Variants in EPN1 observed in about 807,000 individuals in gnomAD.
EPN1 encodes epsin 1.
In EPN1, 25 loss-of-function variants were observed where a neutral mutation model predicts 56.9. That is an observed-to-expected ratio of 0.44 (90% confidence interval 0.32 to 0.61). The LOEUF is 0.61. Ranked by LOEUF, EPN1 falls within the 20% of genes least tolerant of loss-of-function variation. The pLI is 0.05. For missense variants in EPN1, 785 were observed against 823.7 expected (o/e 0.95, Z 0.58); for synonymous variants, 411 against 361.8 (o/e 1.14, Z -1.54).
Position 55,705,065 on chromosome 19 carries a change from A to C in EPN1, c.*9709A>C, listed in dbSNP as rs1011484800. Reference sequence around the variant, plus strand: ...GACTCGCAGTTCTGCCACACAGTGAATGTGCTACTCAAGCCACTCAGCCTG... The same window carrying C: ...GACTCGCAGTTCTGCCACACAGTGACTGTGCTACTCAAGCCACTCAGCCTG... On this transcript the variant is annotated 3_prime_UTR_variant, in exon 11 of 11. Transcript: ENST00000270460. The C allele has an allele frequency of 4.6e-5, 7 of 152,268 alleles. No individual in the cohort carries two copies. The highest frequency in any genetic ancestry group is 1.2e-4 in the African/African-American group (5 of 41,470). 9.4% of individuals were successfully genotyped at this position (152,268 alleles called of 1,614,324 possible). A position where few individuals can be genotyped will look rare whatever the true frequency, so the allele number is the denominator to read the frequency against.
At chr19:55,682,632 C>T (rs946271461) in intron 2 of EPN1, among the ~76,000 whole-genome samples, 6 of 151,894 alleles carry the variant, frequency 4.0e-5, no homozygotes, top group East Asian at 1.9e-4. Flanking sequence ...GGGGTTTTGC[C>T]ATGTCACCCA....
chr19:55,689,459 C>A lies in EPN1; in HGVS notation c.678+88C>A. On this transcript the variant is annotated intron_variant, in intron 5 of 10. Coordinates refer to ENST00000270460, the MANE Select transcript of EPN1 (RefSeq NM_001130072.2). This position sits in a 1 kb window ranked among gnomAD's most constrained non-coding sequence, Gnocchi z 5.7. The stretch of plus-strand genomic sequence containing the variant: ...CCTTCCTAAGTCACCCCCCACCATC[C>A]TGCTGGGCCCGAAGCCCACAGGCTC... 1 of 1,004,884 alleles carries A rather than the reference C, an allele frequency of 1.0e-6. No homozygotes were observed. The highest frequency in any genetic ancestry group is 1.5e-6 in the Non-Finnish European group (1 of 657,412). The allele number at this position is 1,004,884 out of a possible 1,614,324, so 62.2% of individuals were successfully genotyped here.
Position 55,688,979 on chromosome 19 carries a change from G to C in EPN1, c.588G>C (p.Lys196Asn). The change falls in exon 4 of 11, where the codon AAG (lysine) becomes AAC (asparagine). Residue 196 changes from lysine (K) to asparagine (N), a missense_variant. Lys to Asn is a moderately conservative substitution (Grantham distance 94). This residue lies in a region of EPN1 where 650 missense variants were observed against 605.0 expected (regional missense o/e 1.07). Coordinates refer to ENST00000270460, the MANE Select transcript of EPN1 (RefSeq NM_001130072.2). ...TCCAGCTGGCCCTGGCCATGAGCAA[G>C]GAGGAGGCCGACCAGGTACTGGGCG... is the stretch of plus-strand genomic sequence containing the variant. ...LQLQLALAMS[K>N]EEADQPPSCG... 1 of 1,599,702 alleles carries C rather than the reference G, an allele frequency of 6.3e-7. No individual in the cohort carries two copies. Among genetic ancestry groups the C allele is most frequent in the Non-Finnish European group, 8.5e-7 (1 of 1,176,660 alleles).
At chr19:55,677,300 C>T in intron 1 of EPN1, 1 of 854,078 alleles carries the variant, frequency 1.2e-6, no homozygotes, top group Non-Finnish European at 2.0e-6. Context: ...GGGGTTGTTT[C>T]AAGGATTAAC....
In EPN1 at chr19:55,693,014, T is replaced by C; in HGVS notation, c.1241T>C (p.Leu414Pro). 3 of 1,613,206 alleles carry C rather than the reference T, an allele frequency of 1.9e-6. No homozygotes were observed. The highest frequency in any genetic ancestry group is 2.5e-6 in the Non-Finnish European group (3 of 1,179,512). ...GACTTTGACCGACTCCGCACGGCAC[T>C]GCCGACCTCCGGGAGCAGCGCAGGT... The part of the protein sequence containing the change: ...FSDFDRLRTA[L>P]PTSGSSAGEL... Residue 414 changes from leucine to proline, a missense_variant, in exon 9 of 11, where the codon CTG becomes CCG. This residue lies in a region of EPN1 where 650 missense variants were observed against 605.0 expected (regional missense o/e 1.07). Transcript: ENST00000270460.
At chr19:55,688,725 G>A in intron 3 of EPN1, 145 bp from the exon 4 acceptor site, 1 of 1,238,898 alleles carries the variant, frequency 8.1e-7, no homozygotes, top group Non-Finnish European at 1.1e-6. Flanking sequence ...CCGCCTCTCA[G>A]TCCTAGTCTT....
At chr19:55,677,989 C>A (rs1221722134) in intron 1 of EPN1, among the ~76,000 whole-genome samples, 2 of 152,220 alleles carry the variant, frequency 1.3e-5, no homozygotes, top group Admixed American at 1.3e-4. Flanking sequence ...GCTACAGAAT[C>A]AGACGAGAAT....
rs1288735342 is a variant in EPN1 at position 55,705,464 on chromosome 19, A to G, written c.*10108A>G. 6.6e-6 allele frequency: 1 copy of G among 152,194 alleles called. No individual in the cohort carries two copies. Among genetic ancestry groups the G allele is most frequent in the African/African-American group, 2.4e-5 (1 of 41,452 alleles). 9.4% of individuals were successfully genotyped at this position (152,194 alleles called of 1,614,324 possible). A position where few individuals can be genotyped will look rare whatever the true frequency, so the allele number is the denominator to read the frequency against. ...GGAGTTCGAGACCAGCCTGGCCAAC[A>G]TGACAAAATCACCATCTCTACTAAA... On this transcript the variant is annotated 3_prime_UTR_variant, in exon 11 of 11. Coordinates refer to ENST00000270460, the MANE Select transcript of EPN1 (RefSeq NM_001130072.2).
intron 1 of EPN1, chr19:55,677,526 T>C: frequency 7.2e-7 from 1 of 1,383,180 alleles, no homozygotes; most frequent in Non-Finnish European, 1.0e-6. Context: ...GTGTGTGACC[T>C]TGGTTGAATT....
rs200210378 is a variant in EPN1, at chr19:55,691,803, C to T, written c.812C>T (p.Pro271Leu). The change falls in exon 7 of 11, where the codon CCG becomes CTG. Residue 271 changes from proline to leucine, a missense_variant. Transcript: ENST00000270460. This position sits in a 1 kb window ranked among gnomAD's most constrained non-coding sequence, Gnocchi z 5.6. ...GTCTTCACGGCCCCAGCTCCTGCCCCGACCACAGACCCCTGGGGGGGCCCA... is the reference window on the plus strand; with the variant it reads ...GTCTTCACGGCCCCAGCTCCTGCCCTGACCACAGACCCCTGGGGGGGCCCA... Reference protein sequence around the residue: ...ADVFTAPAPAPTTDPWGGPAP... With the variant: ...ADVFTAPAPALTTDPWGGPAP... 2,323 of 1,612,666 alleles carry T rather than the reference C, an allele frequency of 1.4e-3. 4 individuals are homozygous for T. Among genetic ancestry groups the T allele is most frequent in the Non-Finnish European group, 1.7e-3 (2,054 of 1,179,304 alleles).
In EPN1 at chr19:55,707,178, G is replaced by A. The variant is rs1987462943; in HGVS notation, c.*11822G>A. ...CCTGGGCGAGCAACAGAGTGAGGCTGTCTCTCAAAAAAAAAAAAAAAGGAA... is the reference window on the plus strand; with the variant it reads ...CCTGGGCGAGCAACAGAGTGAGGCTATCTCTCAAAAAAAAAAAAAAAGGAA... On this transcript the variant is annotated 3_prime_UTR_variant, in exon 11 of 11. Coordinates refer to ENST00000270460, the MANE Select transcript of EPN1 (RefSeq NM_001130072.2). The A allele has an allele frequency of 1.4e-5, 2 of 146,932 alleles. No homozygotes were observed. Among genetic ancestry groups the A allele is most frequent in the South Asian group, 2.2e-4 (1 of 4,580 alleles). The allele number at this position is 146,932 out of a possible 1,614,324, so 9.1% of individuals were successfully genotyped here. A position where few individuals can be genotyped will look rare whatever the true frequency, so the allele number is the denominator to read the frequency against.
At chr19:55,687,147 C>T (rs900813591) in intron 3 of EPN1, among the ~76,000 whole-genome samples, 2 of 152,294 alleles carry the variant, frequency 1.3e-5, no homozygotes, top group South Asian at 2.1e-4. Flanking sequence ...TCTGAATTTT[C>T]GCCCATCTTG....
At chr19:55,681,802 C>CTTT (rs199910309) in intron 2 of EPN1, among the ~76,000 whole-genome samples, 12 of 145,838 alleles carry the variant, frequency 8.2e-5, no homozygotes, top group African/African-American at 3.0e-4. Context: ...ATTTTGCAAA[C>CTTT]TTTTTTTTTT....
intron 3 of EPN1, among the ~76,000 whole-genome samples, chr19:55,687,089 G>A (rs937833905): frequency 1.1e-4 from 16 of 152,206 alleles, no homozygotes; most frequent in African/African-American, 2.7e-4. Context: ...TAGTTTTCAC[G>A]TGTCTTTTTT....
At position 55,703,854 on chromosome 19, in the gene EPN1, A is replaced by T. The variant is rs1987263961; in HGVS notation, c.*8498A>T. On this transcript the variant is annotated 3_prime_UTR_variant, in exon 11 of 11. Coordinates refer to ENST00000270460, the MANE Select transcript of EPN1 (RefSeq NM_001130072.2). ...TACCGCGTGGGCTGGGATTGGAGGA[A>T]GCTGGAAAGCGCTCCCCTGCGTTTC... The T allele has an allele frequency of 6.6e-6, 1 of 152,224 alleles. No homozygotes were observed. The highest frequency in any genetic ancestry group is 1.5e-5 in the Non-Finnish European group (1 of 68,048). The allele number at this position is 152,224 out of a possible 1,614,324, so 9.4% of individuals were successfully genotyped here.
In EPN1 at chr19:55,694,904, C is replaced by A; in HGVS notation, c.1443C>A (p.Leu481=). Residue 481 remains leucine (L), a synonymous_variant, in exon 10 of 11, where the codon CTC becomes CTA. Coordinates refer to ENST00000270460, the MANE Select transcript of EPN1 (RefSeq NM_001130072.2). This position sits in a 1 kb window ranked among gnomAD's most constrained non-coding sequence, Gnocchi z 4.2. ...PESFLGPNAA[L]VDLDSLVSRP... is the part of the protein sequence containing the mutation. The stretch of plus-strand genomic sequence containing the variant: ...CATTCCTGGGGCCCAATGCAGCCCT[C>A]GTCGACCTGGACTCGCTGGTGAGCC... 6.3e-7 allele frequency: 1 copy of A among 1,588,966 alleles called. No homozygotes were observed. The highest frequency in any genetic ancestry group is 8.6e-7 in the Non-Finnish European group (1 of 1,167,992).
intron 3 of EPN1, among the ~76,000 whole-genome samples, chr19:55,688,158 C>T (rs890993698): frequency 2.0e-5 from 3 of 152,122 alleles, no homozygotes; most frequent in Non-Finnish European, 2.9e-5. Flanking sequence ...TGGAGCCTGT[C>T]CTCTGCACTG....
chr19:55,690,039 G>C (rs1355593396), intron 6 of EPN1, 89 bp downstream of exon 6: 1 of 1,275,980 alleles, frequency 7.8e-7, no homozygotes, highest in Admixed American at 2.2e-5. Flanking sequence ...CCCTGGAGCA[G>C]AGACTGAAAC....
At chr19:55,676,194 A>C (rs1308427342) in intron 1 of EPN1, among the ~76,000 whole-genome samples, 1 of 152,228 alleles carries the variant, frequency 6.6e-6, no homozygotes, top group Non-Finnish European at 1.5e-5. Flanking sequence ...GGTATCTGAC[A>C]CATAGCAAGT....
Sources: gnomAD v4.1 joint callset for allele counts (sites outside exome capture counted in the v4.1 genomes callset) on GRCh38, gnomAD v4.1.1 for gene constraint, gnomAD v4.1.1 regional missense constraint, Gnocchi (gnomAD v3.1) non-coding constraint, MANE v1.5 for transcripts, NCBI Gene and HGNC (gene_info 2026-07-23, HGNC 2026-07-21) for gene names.